Variants in ZNF804A observed in about 807,000 individuals in gnomAD.
ZNF804A encodes the protein zinc finger protein 804A.
Under a neutral mutation model 16.5 loss-of-function variants are expected in ZNF804A, and 2 were observed. The observed-to-expected ratio is 0.12, with a 90% CI of 0.05 to 0.38. ZNF804A has a LOEUF of 0.38. Ranked by LOEUF, ZNF804A falls within the 10% of genes least tolerant of loss-of-function variation. ZNF804A has a pLI of 0.99. For synonymous variants in ZNF804A, 534 were observed against 489.6 expected (o/e 1.09, Z -1.20); for missense variants, 1,473 against 1,390.7 (o/e 1.06, Z -0.94).
intron 1 of ZNF804A, among the ~76,000 whole-genome samples, chr2:184,788,612 G>T (rs1389722169): frequency 6.6e-6 from 1 of 151,932 alleles, no homozygotes; most frequent in Non-Finnish European, 1.5e-5. Context: ...ATGGGATTGA[G>T]TTCTTGATTT....
chr2:184,804,013 C>A (rs1213768618), intron 1 of ZNF804A, among the ~76,000 whole-genome samples: 1 of 152,040 alleles, frequency 6.6e-6, no homozygotes, highest in Non-Finnish European at 1.5e-5. Context: ...GAGGTGTGCG[C>A]CAACATGCCT....
intron 1 of ZNF804A, among the ~76,000 whole-genome samples, chr2:184,740,825 T>C (rs1693699285): frequency 6.6e-6 from 1 of 152,136 alleles, no homozygotes; most frequent in Non-Finnish European, 1.5e-5. Flanking sequence ...GGATAAATAT[T>C]CACTTATCTT....
At chr2:184,653,672 T>G (rs1381316486) in intron 1 of ZNF804A, among the ~76,000 whole-genome samples, 1 of 152,216 alleles carries the variant, frequency 6.6e-6, no homozygotes, top group Non-Finnish European at 1.5e-5. Context: ...GCTGCCCACA[T>G]GCATGGTGGC....
At chr2:184,770,146 T>C (rs980966148) in intron 1 of ZNF804A, among the ~76,000 whole-genome samples, 1 of 151,984 alleles carries the variant, frequency 6.6e-6, no homozygotes, top group Non-Finnish European at 1.5e-5. Flanking sequence ...AATCATCTGA[T>C]TTAAAGACTA....
intron 1 of ZNF804A, among the ~76,000 whole-genome samples, chr2:184,673,086 G>T (rs1212904495): frequency 6.6e-6 from 1 of 150,756 alleles, no homozygotes; most frequent in Admixed American, 6.6e-5. Flanking sequence ...AGGAAAGAAA[G>T]GAGAAAAGAA....
chr2:184,781,572 C>G (rs780100932), intron 1 of ZNF804A, among the ~76,000 whole-genome samples: 6 of 151,620 alleles, frequency 4.0e-5, no homozygotes, highest in Non-Finnish European at 5.9e-5. Flanking sequence ...TTTTCATTTT[C>G]TGAATTCCTA....
chr2:184,816,498 G>A (rs1248580661), intron 1 of ZNF804A, among the ~76,000 whole-genome samples: 1 of 151,950 alleles, frequency 6.6e-6, no homozygotes, highest in Non-Finnish European at 1.5e-5. Context: ...TAAGCTCAGG[G>A]ATTTCTCCCT....
At chr2:184,741,235 C>T (rs1385254584) in intron 1 of ZNF804A, among the ~76,000 whole-genome samples, 2 of 152,110 alleles carry the variant, frequency 1.3e-5, no homozygotes, top group Non-Finnish European at 1.5e-5. Flanking sequence ...AAGATTAAAT[C>T]ATCCAAAGGA....
chr2:184,877,574 C>G (rs1057463014), intron 2 of ZNF804A, among the ~76,000 whole-genome samples: 2 of 151,910 alleles, frequency 1.3e-5, no homozygotes, highest in Non-Finnish European at 2.9e-5. Flanking sequence ...ATTTTTTGCT[C>G]TCTGTGGTAA....
At chr2:184,660,289 C>G (rs974893899) in intron 1 of ZNF804A, among the ~76,000 whole-genome samples, 4 of 152,082 alleles carry the variant, frequency 2.6e-5, no homozygotes, top group African/African-American at 9.7e-5. Context: ...TTTTATTTTG[C>G]CTAATCTGTT....
chr2:184,833,681 T>G (rs563643219), intron 1 of ZNF804A, among the ~76,000 whole-genome samples: 2 of 152,184 alleles, frequency 1.3e-5, no homozygotes, highest in South Asian at 4.1e-4. Flanking sequence ...TGTTCTTGAA[T>G]CTTTCACAAG....
At chr2:184,605,050 A>G (rs1236035522) in intron 1 of ZNF804A, among the ~76,000 whole-genome samples, 3 of 152,134 alleles carry the variant, frequency 2.0e-5, no homozygotes, top group African/African-American at 7.2e-5. Context: ...TAAACATGTT[A>G]CTTTTATATA....
intron 1 of ZNF804A, among the ~76,000 whole-genome samples, chr2:184,603,241 G>T (rs1187738878): frequency 6.6e-6 from 1 of 152,094 alleles, no homozygotes; most frequent in Non-Finnish European, 1.5e-5. Flanking sequence ...TCTGTATTAG[G>T]CACTAAATAA....
intron 1 of ZNF804A, among the ~76,000 whole-genome samples, chr2:184,761,173 G>A (rs1189459310): frequency 6.6e-6 from 1 of 152,068 alleles, no homozygotes; most frequent in East Asian, 1.9e-4. Flanking sequence ...AAGAGATAAA[G>A]CTGGTCTGTG....
intron 1 of ZNF804A, among the ~76,000 whole-genome samples, chr2:184,739,335 T>C (rs112703000): frequency 0.015 from 2,264 of 152,318 alleles, 62 homozygotes; most frequent in African/African-American, 0.051. Context: ...ATATTGGCTA[T>C]TGTTAATAAT....
In ZNF804A at chr2:184,710,993, A is replaced by G. The variant is rs577083255; in HGVS notation, c.111+111923A>G. ...GAAAGTCCAGATTTTTTTGGAGATCATGATTTTAATATTTTGGATATATAT... is the reference window on the plus strand; with the variant it reads ...GAAAGTCCAGATTTTTTTGGAGATCGTGATTTTAATATTTTGGATATATAT... On this transcript the variant is annotated intron_variant, in intron 1 of 3. Coordinates refer to ENST00000302277, the MANE Select transcript of ZNF804A (RefSeq NM_194250.2). 2.6e-5 allele frequency among the ~76,000 whole-genome samples: 4 copies of G among 151,906 alleles called. No homozygotes were observed. The South Asian group carries it at 8.3e-4, about 31-fold the overall frequency.
chr2:184,893,797 T>C (rs773641990), intron 2 of ZNF804A, among the ~76,000 whole-genome samples: 7 of 152,130 alleles, frequency 4.6e-5, no homozygotes, highest in Non-Finnish European at 7.4e-5. Flanking sequence ...CATCAATTCG[T>C]TGATATATAC....
intron 1 of ZNF804A, among the ~76,000 whole-genome samples, chr2:184,825,783 G>A (rs1015853357): frequency 5.3e-5 from 8 of 151,918 alleles, no homozygotes; most frequent in Non-Finnish European, 1.0e-4. Context: ...ATTAATGAAT[G>A]GAATATATAT....
intron 2 of ZNF804A, among the ~76,000 whole-genome samples, chr2:184,877,912 A>G (rs1050669952): frequency 3.9e-5 from 6 of 152,114 alleles, no homozygotes; most frequent in African/African-American, 1.4e-4. Flanking sequence ...AAGAGAATGG[A>G]GAGAAGCAGT....
Sources: gnomAD v4.1 joint callset for allele counts (sites outside exome capture counted in the v4.1 genomes callset) on GRCh38, gnomAD v4.1.1 for gene constraint, MANE v1.5 for transcripts, NCBI Gene and HGNC (gene_info 2026-07-23, HGNC 2026-07-21) for gene names.